Variants in RBFOX1 observed in about 807,000 individuals in gnomAD.
The protein encoded by RBFOX1 is RNA binding protein fox-1 homolog 1.
A neutral mutation model predicts 57.7 loss-of-function variants in RBFOX1; 8 were observed. The observed-to-expected ratio is 0.14, with a 90% CI of 0.08 to 0.25. RBFOX1 has a LOEUF of 0.25. Ranked by LOEUF, RBFOX1 falls within the 10% of genes least tolerant of loss-of-function variation. The probability of loss-of-function intolerance (pLI) is 1.00; values close to 1 mark genes in which losing one functional copy is unlikely to be tolerated. For missense variants in RBFOX1, 611 were observed against 548.5 expected, an observed-to-expected ratio of 1.11 and a Z score of -1.14; for synonymous variants, 326 against 222.4, an observed-to-expected ratio of 1.47 and a Z score of -4.15.
chr16:6,855,930 C>A (rs1225420573), intron 3 of RBFOX1, among the ~76,000 whole-genome samples: 1 of 150,022 alleles, frequency 6.7e-6, no homozygotes, highest in Non-Finnish European at 1.5e-5. Context: ...TTTACTCATG[C>A]ACATATTCAC....
intron 3 of RBFOX1, among the ~76,000 whole-genome samples, chr16:6,790,720 C>T (rs1424199968): frequency 6.6e-6 from 1 of 152,220 alleles, no homozygotes; most frequent in South Asian, 2.1e-4. Context: ...CTCCATCCCT[C>T]CTCTTCTTCT....
intron 4 of RBFOX1, among the ~76,000 whole-genome samples, chr16:7,165,109 C>T (rs1284861817): frequency 6.6e-6 from 1 of 152,116 alleles, no homozygotes; most frequent in African/African-American, 2.4e-5. Context: ...GCAATCCTGT[C>T]AGTAGTCATC....
intron 3 of RBFOX1, among the ~76,000 whole-genome samples, chr16:5,695,494 G>T (rs1436961554): frequency 6.6e-6 from 1 of 152,144 alleles, no homozygotes; most frequent in Non-Finnish European, 1.5e-5. Flanking sequence ...AAAACCACTA[G>T]GTGAAAGGTG....
chr16:6,072,285 A>G (rs2095847088), intron 1 of RBFOX1, among the ~76,000 whole-genome samples: 1 of 152,134 alleles, frequency 6.6e-6, no homozygotes, highest in Admixed American at 6.5e-5. Context: ...TGTGGGCATA[A>G]TGGGAGCTCC....
chr16:5,460,510 G>A (rs1487372539), intron 1 of RBFOX1, among the ~76,000 whole-genome samples: 2 of 152,092 alleles, frequency 1.3e-5, no homozygotes, highest in African/African-American at 2.4e-5. Flanking sequence ...AGAGGCTCAG[G>A]GCCCAGGAGA....
intron 10 of RBFOX1, among the ~76,000 whole-genome samples, chr16:7,610,946 G>A (rs968057931): frequency 6.7e-6 from 1 of 149,186 alleles, no homozygotes; most frequent in African/African-American, 2.4e-5. Context: ...GCAATTCTGA[G>A]TGTGCCTCAA....
At position 6,780,101 on chromosome 16, in the gene RBFOX1, T is replaced by A. The variant is rs868146175; in HGVS notation, c.-16+125451T>A. 6.4e-4 allele frequency among the ~76,000 whole-genome samples: 17 copies of A among 26,694 alleles called. 2 individuals are homozygous for A. Among genetic ancestry groups the A allele is most frequent in the Admixed American group, 1.8e-3 (2 of 1,100 alleles). The allele number at this position is 26,694 out of a possible 152,430, so 17.5% of individuals were successfully genotyped here. The stretch of plus-strand genomic sequence containing the variant: ...CATATTTATATATATTTATATATTT[T>A]TATATATTTATATATATTTATATAT... On this transcript the variant is annotated intron_variant, in intron 3 of 15. Coordinates refer to ENST00000550418, the MANE Select transcript of RBFOX1 (RefSeq NM_018723.4).
intron 1 of RBFOX1, among the ~76,000 whole-genome samples, chr16:6,301,110 C>T (rs1169070458): frequency 6.6e-6 from 1 of 152,034 alleles, no homozygotes; most frequent in African/African-American, 2.4e-5. Context: ...AGAAACAGAA[C>T]CTGGAAACTT....
intron 3 of RBFOX1, among the ~76,000 whole-genome samples, chr16:6,742,817 T>A (rs1251293260): frequency 6.6e-6 from 1 of 152,050 alleles, no homozygotes; most frequent in African/African-American, 2.4e-5. Flanking sequence ...TAGTTGCCAG[T>A]ATGGTGGGAG....
At chr16:5,470,653 C>G (rs1465698648) in intron 2 of RBFOX1, among the ~76,000 whole-genome samples, 1 of 152,116 alleles carries the variant, frequency 6.6e-6, no homozygotes, top group Non-Finnish European at 1.5e-5. Flanking sequence ...CTCATCATCT[C>G]TCTTTTTCTA....
At chr16:5,374,055 T>C (rs911733658) in intron 1 of RBFOX1, among the ~76,000 whole-genome samples, 3 of 152,158 alleles carry the variant, frequency 2.0e-5, no homozygotes, top group Non-Finnish European at 4.4e-5. Flanking sequence ...GTAGCTGCGA[T>C]TACAGGCACC....
chr16:6,874,731 C>A (rs545323066), intron 3 of RBFOX1, among the ~76,000 whole-genome samples: 12 of 151,648 alleles, frequency 7.9e-5, no homozygotes, highest in Non-Finnish European at 4.4e-5. Context: ...GCTATAAGGA[C>A]ACAAAAGCAT....
intron 1 of RBFOX1, among the ~76,000 whole-genome samples, chr16:6,300,980 G>C (rs1159421689): frequency 6.6e-6 from 1 of 152,146 alleles, no homozygotes; most frequent in Non-Finnish European, 1.5e-5. Flanking sequence ...CTCAGAAAGT[G>C]CCAAATGGAT....
At chr16:7,635,718 G>A (rs891072273) in intron 11 of RBFOX1, among the ~76,000 whole-genome samples, 2 of 152,092 alleles carry the variant, frequency 1.3e-5, no homozygotes, top group African/African-American at 4.8e-5. Flanking sequence ...TTTTCATCCA[G>A]TTTGTTTAAT....
At chr16:6,849,376 C>G (rs552236349) in intron 3 of RBFOX1, among the ~76,000 whole-genome samples, 54 of 152,258 alleles carry the variant, frequency 3.5e-4, no homozygotes, top group African/African-American at 1.3e-3. Context: ...TTAGATAGAA[C>G]TGAAAGGCCT....
intron 4 of RBFOX1, among the ~76,000 whole-genome samples, chr16:5,936,600 A>G (rs1483349391): frequency 1.3e-5 from 2 of 152,226 alleles, no homozygotes; most frequent in African/African-American, 4.8e-5. Context: ...AAAGAGGTGG[A>G]GACACAGGTC....
intron 5 of RBFOX1, among the ~76,000 whole-genome samples, chr16:7,526,777 G>T (rs1008462535): frequency 6.6e-6 from 1 of 152,162 alleles, no homozygotes; most frequent in African/African-American, 2.4e-5. Flanking sequence ...TCCCCACCAC[G>T]TATGAAGTGT....
chr16:6,906,037 G>C (rs78835124), intron 3 of RBFOX1, among the ~76,000 whole-genome samples: 62 of 152,298 alleles, frequency 4.1e-4, no homozygotes, highest in African/African-American at 1.4e-3. Flanking sequence ...AGAATGCCCA[G>C]TAGAATCAGG....
chr16:5,340,158 C>T (rs2065002629), intron 1 of RBFOX1, among the ~76,000 whole-genome samples: 1 of 152,102 alleles, frequency 6.6e-6, no homozygotes. Flanking sequence ...ATCCAACTTG[C>T]TTAAGGCTGA....
Sources: allele counts gnomAD v4.1 joint callset (sites outside exome capture counted in the v4.1 genomes callset), GRCh38; gene constraint gnomAD v4.1.1; transcripts MANE v1.5; gene names NCBI Gene and HGNC (gene_info 2026-07-23, HGNC 2026-07-21).